Variants in ALMS1 observed in about 807,000 individuals in gnomAD.
The protein encoded by ALMS1 is ALMS1 centrosome and basal body associated protein, also known as centrosome-associated protein ALMS1.
ALMS1 carries 271 observed loss-of-function variants against 352.2 expected under a neutral mutation model. The observed-to-expected ratio is 0.77, with a 90% CI of 0.70 to 0.85. The LOEUF is 0.85. Among genes scored for constraint, ALMS1 ranks in the 40% least tolerant of loss-of-function variants. The pLI is 0.00. For missense variants in ALMS1, 5,445 were observed against 4,870.7 expected, an observed-to-expected ratio of 1.12 and a Z score of -3.51; for synonymous variants, 1,865 against 1,761.2, an observed-to-expected ratio of 1.06 and a Z score of -1.48.
chr2:73,524,486 T>C (rs549642564), intron 11 of ALMS1, among the ~76,000 whole-genome samples: 2 of 152,226 alleles, frequency 1.3e-5, no homozygotes, highest in East Asian at 3.9e-4. Flanking sequence ...GATGGAGTCT[T>C]GCTCTGTCAC....
In ALMS1 at chr2:73,601,448, T is replaced by C. The variant is rs377393930; in HGVS notation, c.12114+12T>C. On this transcript the variant is annotated intron_variant, in intron 19 of 22. Transcript: ENST00000613296. Reference sequence around the variant, plus strand: ...GAGCAACCCTTCAGGTGCAGTGACGTTGACTTAACTTTAATGCTACGTGTA... The same window carrying C: ...GAGCAACCCTTCAGGTGCAGTGACGCTGACTTAACTTTAATGCTACGTGTA... 2.3e-5 allele frequency: 37 copies of C among 1,613,408 alleles called. No homozygotes were observed. Among genetic ancestry groups the C allele is most frequent in the Non-Finnish European group, 3.1e-5 (36 of 1,179,712 alleles).
intron 3 of ALMS1, among the ~76,000 whole-genome samples, chr2:73,420,340 G>A (rs548559887): frequency 6.6e-6 from 1 of 151,796 alleles, no homozygotes; most frequent in South Asian, 2.1e-4. Flanking sequence ...GCAAACTATA[G>A]CTTACAGGCC....
At chr2:73,386,265 C>A (rs1670528250) in intron 1 of ALMS1, 73 bp downstream of exon 1, 2 of 1,412,432 alleles carry the variant, frequency 1.4e-6, no homozygotes, top group East Asian at 2.9e-5. Context: ...GCGCTCCGCC[C>A]GCCCGCAGGT....
Position 73,601,197 on chromosome 2 carries a change from G to GT in ALMS1, c.11878dup (p.Ser3960PhefsTer12). ...CTTCTAAAAACTGTTTCCTGTAGGA[G>GT]TTTCCTGGTTTGTTCCTGTGGAAAA... On this transcript the variant is annotated frameshift_variant, in exon 19 of 23. Transcript: ENST00000613296. LOFTEE classifies it high-confidence loss of function. 18 of 1,614,176 alleles carry GT rather than the reference G, an allele frequency of 1.1e-5. No individual in the cohort carries two copies. The highest frequency in any genetic ancestry group is 1.4e-5 in the Non-Finnish European group (16 of 1,180,036).
At chr2:73,574,078 A>G (rs759387576) in intron 16 of ALMS1, among the ~76,000 whole-genome samples, 4 of 152,228 alleles carry the variant, frequency 2.6e-5, no homozygotes, top group Non-Finnish European at 5.9e-5. Context: ...TTTGTGATCA[A>G]TAACATTCAC....
intron 6 of ALMS1, among the ~76,000 whole-genome samples, chr2:73,431,467 A>T (rs779310290): frequency 1.2e-4 from 19 of 152,206 alleles, no homozygotes; most frequent in Admixed American, 5.9e-4. Context: ...ATATATTTTT[A>T]TGTGAGGGTG....
intron 9 of ALMS1, among the ~76,000 whole-genome samples, chr2:73,476,614 A>G (rs980372766): frequency 6.6e-6 from 1 of 151,762 alleles, no homozygotes; most frequent in East Asian, 1.9e-4. Context: ...TGGCTATTCT[A>G]ACAGGTCTGA....
chr2:73,423,071 G>T (rs1671315118), intron 4 of ALMS1, 97 bp downstream of exon 4: 1 of 1,063,706 alleles, frequency 9.4e-7, no homozygotes, highest in African/African-American at 1.6e-5. Context: ...TTGAGGTGGG[G>T]CTTAGATACT....
rs1671851167 is a variant in ALMS1, at chr2:73,448,416, C to T, written c.1889C>T (p.Thr630Ile). Residue 630 changes from threonine (T) to isoleucine (I), a missense_variant, in exon 8 of 23, where the codon ACT becomes ATT. Transcript: ENST00000613296. The stretch of plus-strand genomic sequence containing the variant: ...TACTCACATAGAGAGAAGCCTGGTA[C>T]TTTTTACCAACAAGAGTTACCAGAG... ...TSYSHREKPG[T>I]FYQQELPESN... The T allele has an allele frequency of 6.2e-7, 1 of 1,612,456 alleles. No individual in the cohort carries two copies. The highest frequency in any genetic ancestry group is 1.3e-5 in the African/African-American group (1 of 74,452).
chr2:73,555,889 G>T (rs568845145), intron 13 of ALMS1, among the ~76,000 whole-genome samples: 1 of 152,102 alleles, frequency 6.6e-6, no homozygotes, highest in African/African-American at 2.4e-5. Context: ...GTCATGGTGC[G>T]TAAAGGTACA....
At chr2:73,460,817 A>T (rs556787110) in intron 9 of ALMS1, among the ~76,000 whole-genome samples, 4 of 152,230 alleles carry the variant, frequency 2.6e-5, no homozygotes, top group African/African-American at 2.4e-5. Context: ...GGAGGGTCCT[A>T]CGCCCACAGA....
In ALMS1 at chr2:73,601,434, C is replaced by T. The variant is rs768581179; in HGVS notation, c.12112C>T (p.Gln4038Ter). ...GAGGCCATTTGTGAGAGCAACCCTT[C>T]AGGTGCAGTGACGTTGACTTAACTT... ...LLRPFVRATL[Q>*]ESLQFHRPDF... Residue 4038 changes from glutamine (Q) to a stop codon, truncating the protein, a stop_gained and splice_region_variant, in exon 19 of 23, where the codon CAG (glutamine) becomes TAG (stop). Transcript: ENST00000613296. LOFTEE classifies it high-confidence loss of function. The T allele has an allele frequency of 1.2e-6, 2 of 1,613,968 alleles. No homozygotes were observed. The highest frequency in any genetic ancestry group is 1.7e-6 in the Non-Finnish European group (2 of 1,179,866).
upstream of ALMS1, chr2:73,385,802 G>A (rs1003354672): frequency 3.0e-6 from 2 of 664,634 alleles, no homozygotes; most frequent in Non-Finnish European, 5.4e-6. Flanking sequence ...CCGCCAGTCA[G>A]GGCTCTCCCC....
At chr2:73,543,048 G>A (rs1330803065) in intron 12 of ALMS1, among the ~76,000 whole-genome samples, 1 of 151,856 alleles carries the variant, frequency 6.6e-6, no homozygotes. Context: ...AAAAGAGCCT[G>A]CATCGCCACG....
intron 9 of ALMS1, among the ~76,000 whole-genome samples, chr2:73,485,118 G>T (rs1558664534): frequency 1.3e-5 from 2 of 152,348 alleles, no homozygotes; most frequent in Middle Eastern, 3.4e-3. Flanking sequence ...TTGCTGGTGA[G>T]GAACTGTGTT....
intron 13 of ALMS1, among the ~76,000 whole-genome samples, chr2:73,553,627 C>T (rs935285647): frequency 2.6e-5 from 4 of 152,060 alleles, no homozygotes; most frequent in Admixed American, 2.0e-4. Context: ...TACTAGCTGG[C>T]TTAGCTGTGA....
Position 73,408,755 on chromosome 2 carries a change from T to C in ALMS1, c.450+8T>C, listed in dbSNP as rs762656825. On this transcript the variant is annotated splice_region_variant and intron_variant, in intron 2 of 22. Transcript: ENST00000613296. ...GGTTCTGGGGATGATCAGGTATGTC[T>C]TCTGTAACTGGCTAACTTTTTTTTT... 1 of 1,612,710 alleles carries C rather than the reference T, an allele frequency of 6.2e-7. No homozygotes were observed. Among genetic ancestry groups the C allele is most frequent in the South Asian group, 1.1e-5 (1 of 90,762 alleles).
At chr2:73,562,600 A>G (rs1157031235) in intron 15 of ALMS1, among the ~76,000 whole-genome samples, 1 of 152,164 alleles carries the variant, frequency 6.6e-6, no homozygotes, top group Non-Finnish European at 1.5e-5. Flanking sequence ...AGGGTTGAAA[A>G]TTATAGGCCA....
Position 73,608,512 on chromosome 2 carries a change from G to T in ALMS1, c.12400G>T (p.Glu4134Ter). 1 of 1,613,938 alleles carries T rather than the reference G, an allele frequency of 6.2e-7. No homozygotes were observed. Among genetic ancestry groups the T allele is most frequent in the Non-Finnish European group, 8.5e-7 (1 of 1,179,864 alleles). Residue 4134 changes from glutamate to a stop codon, truncating the protein, a stop_gained, in exon 22 of 23, where the codon GAA becomes TAA. Transcript: ENST00000613296. LOFTEE classifies it high-confidence loss of function. ...EQLPEVQKKR[E>*]EEKRKSEYKS... ...GCTTCCAGAAGTACAGAAAAAGAGA[G>T]AAGAAGAGAAGAGAAAATCAGAATA... is the stretch of plus-strand genomic sequence containing the variant.
Sources: gnomAD v4.1 joint callset for allele counts (sites outside exome capture counted in the v4.1 genomes callset) on GRCh38, gnomAD v4.1.1 for gene constraint, MANE v1.5 for transcripts, NCBI Gene and HGNC (gene_info 2026-07-23, HGNC 2026-07-21) for gene names.